IL1RN: variants seen among roughly 807,000 people sequenced by gnomAD.
IL1RN encodes interleukin 1 receptor antagonist.
IL1RN carries 10 observed loss-of-function variants against 13.7 expected under a neutral mutation model. That is an observed-to-expected ratio of 0.73 (90% CI 0.45 to 1.24). The LOEUF (loss-of-function observed/expected upper bound fraction) is 1.24. Among genes scored for constraint, IL1RN ranks in the 50% most tolerant of loss-of-function variants. The pLI is 0.00. For missense variants in IL1RN, 213 were observed against 222.1 expected, an observed-to-expected ratio of 0.96 and a Z score of 0.26; for synonymous variants, 102 against 82.7, an observed-to-expected ratio of 1.23 and a Z score of -1.27.
upstream of IL1RN, among the ~76,000 whole-genome samples, chr2:113,124,813 G>A (rs1442396678): frequency 6.6e-6 from 1 of 152,038 alleles, no homozygotes; most frequent in Non-Finnish European, 1.5e-5. Flanking sequence ...CCTGCCCCAG[G>A]GACCACCCCC....
intron 1 of IL1RN, among the ~76,000 whole-genome samples, chr2:113,119,244 C>T (rs1245515424): frequency 6.6e-6 from 1 of 152,118 alleles, no homozygotes; most frequent in African/African-American, 2.4e-5. Context: ...AGCTAGGCGC[C>T]TTGCTGAGCA....
upstream of IL1RN, among the ~76,000 whole-genome samples, chr2:113,109,658 A>G (rs1042899678): frequency 3.9e-5 from 6 of 152,076 alleles, no homozygotes; most frequent in Admixed American, 2.6e-4. Flanking sequence ...ATATCAGAGC[A>G]GAATTTCACT....
chr2:113,112,141 T>G (rs1253478223), intron 1 of IL1RN, among the ~76,000 whole-genome samples: 1 of 152,144 alleles, frequency 6.6e-6, no homozygotes, highest in East Asian at 1.9e-4. Context: ...CACTGCAAAA[T>G]CCCATGGTCT....
At chr2:113,122,725 A>G (rs1686818716), upstream of IL1RN, among the ~76,000 whole-genome samples, 2 of 152,174 alleles carry the variant, frequency 1.3e-5, no homozygotes, top group Non-Finnish European at 2.9e-5. Flanking sequence ...CTGGCTTTAA[A>G]GGCCATTTCT....
chr2:113,112,230 G>A (rs759314050), intron 1 of IL1RN, among the ~76,000 whole-genome samples: 5 of 152,322 alleles, frequency 3.3e-5, no homozygotes, highest in Non-Finnish European at 7.3e-5. Context: ...TTGGGGCGGA[G>A]CTTCCGAGGG....
upstream of IL1RN, among the ~76,000 whole-genome samples, chr2:113,107,846 T>A (rs1191776197): frequency 1.3e-5 from 2 of 152,246 alleles, no homozygotes; most frequent in Non-Finnish European, 2.9e-5. Flanking sequence ...TGTTTCTTTT[T>A]AAAATTTTTT....
At position 113,129,652 on chromosome 2, in the gene IL1RN, G is replaced by A. The variant is rs776164551; in HGVS notation, c.193G>A (p.Val65Ile). ...LVAGYLQGPN[V>I]NLEEKIDVVP... ...TGCTGGATACTTGCAAGGACCAAATGTCAATTTAGAAGGTGAGTGGTTGCC... is the reference window on the plus strand; with the variant it reads ...TGCTGGATACTTGCAAGGACCAAATATCAATTTAGAAGGTGAGTGGTTGCC... The change falls in exon 2 of 4, where the codon GTC (valine) becomes ATC (isoleucine). Residue 65 changes from valine to isoleucine, a missense_variant. By Grantham distance (29) the Val-to-Ile change is conservative. Transcript: ENST00000409930. 2 of 1,609,804 alleles carry A rather than the reference G, an allele frequency of 1.2e-6. No homozygotes were observed. Among genetic ancestry groups the A allele is most frequent in the Non-Finnish European group, 1.7e-6 (2 of 1,176,018 alleles).
In IL1RN at chr2:113,133,058, C is replaced by A; in HGVS notation, c.*187C>A. 1 of 667,372 alleles carries A rather than the reference C, an allele frequency of 1.5e-6. No individual in the cohort carries two copies. The highest frequency in any genetic ancestry group is 2.7e-6 in the Non-Finnish European group (1 of 368,336). The allele number at this position is 667,372 out of a possible 1,614,324, so 41.3% of individuals were successfully genotyped here. On this transcript the variant is annotated 3_prime_UTR_variant, in exon 4 of 4. Coordinates refer to ENST00000409930, the MANE Select transcript of IL1RN (RefSeq NM_173842.3). ...CCTCTTCAACTGACCAGCCTCCATG[C>A]TGCCTCCAGAATGGTCTTTCTAATG...
At chr2:113,129,501 G>T in intron 1 of IL1RN, 75 bp from the exon 2 acceptor site, 1 of 900,900 alleles carries the variant, frequency 1.1e-6, no homozygotes, top group Non-Finnish European at 1.9e-6. Context: ...AGTTCTGGGG[G>T]ACACAGGAAG....
At chr2:113,117,518 G>A (rs879729726), upstream of IL1RN, 44 of 168,158 alleles carry the variant, frequency 2.6e-4, no homozygotes, top group Admixed American at 2.3e-3. Context: ...CTTGTTTCTT[G>A]TCTGTTTTCC....
At chr2:113,121,113 C>G (rs1268249232) in intron 2 of IL1RN, among the ~76,000 whole-genome samples, 1 of 140,242 alleles carries the variant, frequency 7.1e-6, no homozygotes, top group Non-Finnish European at 1.6e-5. Flanking sequence ...TCTTCCTCTT[C>G]TTCCTCTTCC....
chr2:113,120,677 G>A (rs1030222902), intron 2 of IL1RN, among the ~76,000 whole-genome samples: 2 of 152,084 alleles, frequency 1.3e-5, no homozygotes, highest in East Asian at 3.9e-4. Flanking sequence ...ACCTGTGTAA[G>A]GTTTTAGAAT....
At chr2:113,117,184 T>C (rs1451619388), upstream of IL1RN, among the ~76,000 whole-genome samples, 1 of 152,212 alleles carries the variant, frequency 6.6e-6, no homozygotes, top group Admixed American at 6.5e-5. Flanking sequence ...GGAGAGAGTA[T>C]CTGGCCTTGT....
chr2:113,099,910 A>G, the IL1RN span, among the ~76,000 whole-genome samples: 2 of 140,470 alleles, frequency 1.4e-5, no homozygotes, highest in African/African-American at 5.2e-5. Context: ...AATTTTTTGT[A>G]TTTTTAGTAG....
chr2:113,114,170 T>C (rs1448391206), upstream of IL1RN, among the ~76,000 whole-genome samples: 1 of 152,174 alleles, frequency 6.6e-6, no homozygotes, highest in Admixed American at 6.5e-5. Flanking sequence ...AAGGCAGTAG[T>C]AATTGTTTCT....
intron 3 of IL1RN, 115 bp from the exon 4 acceptor site, chr2:113,132,541 C>A: frequency 3.3e-6 from 3 of 912,574 alleles, no homozygotes; most frequent in Non-Finnish European, 5.3e-6. Context: ...TATGGCATTT[C>A]CCCTGTACTA....
chr2:113,109,411 T>TAAAAAAA (rs35727625), upstream of IL1RN, among the ~76,000 whole-genome samples: 2 of 133,104 alleles, frequency 1.5e-5, no homozygotes, highest in Non-Finnish European at 3.2e-5. Flanking sequence ...AAACGCCATC[T>TAAAAAAA]AAAAAAAAAA....
intron 2 of IL1RN, among the ~76,000 whole-genome samples, chr2:113,121,072 CTCCTCTTCTTCT>C (rs148489492): frequency 1.1e-3 from 165 of 147,860 alleles, no homozygotes; most frequent in Admixed American, 1.8e-3. Context: ...CCTCCTCCTC[CTCCTCTTCTTCT>C]TCTTCTTCTT....
upstream of IL1RN, among the ~76,000 whole-genome samples, chr2:113,107,857 T>C (rs566610932): frequency 6.6e-6 from 1 of 152,340 alleles, no homozygotes; most frequent in African/African-American, 2.4e-5. Flanking sequence ...AAAATTTTTT[T>C]TGGGTGTATT....
Sources: gnomAD v4.1 joint callset for allele counts (sites outside exome capture counted in the v4.1 genomes callset) on GRCh38, gnomAD v4.1.1 for gene constraint, MANE v1.5 for transcripts, NCBI Gene and HGNC (gene_info 2026-07-23, HGNC 2026-07-21) for gene names.